KLHL14: variants seen among roughly 807,000 people sequenced by gnomAD.
The protein encoded by KLHL14 is kelch like family member 14, also known as kelch-like protein 14.
In KLHL14, 22 loss-of-function variants were observed where a neutral mutation model predicts 64.3. The ratio of observed to expected loss-of-function variants is 0.34; its 90% CI spans 0.24 to 0.49. The LOEUF (loss-of-function observed/expected upper bound fraction) is 0.49. Among genes scored for constraint, KLHL14 ranks in the 20% least tolerant of loss-of-function variants. The pLI, the probability that KLHL14 is intolerant of heterozygous loss-of-function variation, is 0.99. For missense variants in KLHL14, 661 were observed against 789.0 expected (o/e 0.84, Z 1.94); for synonymous variants, 322 against 333.4 (o/e 0.97, Z 0.37).
chr18:32,696,439 T>C (rs1056400013), intron 3 of KLHL14, among the ~76,000 whole-genome samples: 5 of 152,214 alleles, frequency 3.3e-5, no homozygotes, highest in Admixed American at 2.6e-4. Flanking sequence ...ATGGTAAATG[T>C]AAACGTATAC....
intron 3 of KLHL14, among the ~76,000 whole-genome samples, chr18:32,697,768 G>A (rs1276928072): frequency 6.6e-6 from 1 of 152,052 alleles, no homozygotes; most frequent in African/African-American, 2.4e-5. Flanking sequence ...TATGCTTTAT[G>A]CAAACAAATG....
At chr18:32,702,087 T>C (rs2144491747) in intron 3 of KLHL14, among the ~76,000 whole-genome samples, 1 of 152,240 alleles carries the variant, frequency 6.6e-6, no homozygotes, top group South Asian at 2.1e-4. Flanking sequence ...TTTTGTTGGG[T>C]TTGAGTTTTT....
Position 32,698,604 on chromosome 18 carries a change from A to C in KLHL14, c.1070-3052T>G, listed in dbSNP as rs187478310. On this transcript the variant is annotated intron_variant, in intron 3 of 8. Coordinates refer to ENST00000359358, the MANE Select transcript of KLHL14 (RefSeq NM_020805.3). Reference sequence around the variant, plus strand: ...TAAACCCACTTCCCTCCATTTAAAAAGGTCACTTTACTCAGAGGGAGTAGG... The same window carrying C: ...TAAACCCACTTCCCTCCATTTAAAACGGTCACTTTACTCAGAGGGAGTAGG... Among the ~76,000 whole-genome samples the C allele has an allele frequency of 1.9e-3, 296 of 152,348 alleles. 1 individual carries two copies. Among genetic ancestry groups the C allele is most frequent in the Admixed American group, 5.4e-3 (83 of 15,294 alleles).
intron 4 of KLHL14, among the ~76,000 whole-genome samples, chr18:32,694,320 T>C (rs1364890875): frequency 6.6e-6 from 1 of 152,230 alleles, no homozygotes; most frequent in African/African-American, 2.4e-5. Context: ...ATAAGTTAAA[T>C]AGTAAATGAG....
intron 3 of KLHL14, among the ~76,000 whole-genome samples, chr18:32,727,511 T>C (rs2050113974): frequency 6.6e-6 from 1 of 152,234 alleles, no homozygotes. Flanking sequence ...GCATATTGAA[T>C]CTTTGCAAAT....
In KLHL14 at chr18:32,714,040, T is replaced by C. The variant is rs1048239604; in HGVS notation, c.1070-18488A>G. The stretch of plus-strand genomic sequence containing the variant: ...AGAGTGATATACTAATATTTGTTGA[T>C]GAAAATTATGTAACAAGTAAATTAT... On this transcript the variant is annotated intron_variant, in intron 3 of 8. Transcript: ENST00000359358. 4.6e-4 allele frequency among the ~76,000 whole-genome samples: 70 copies of C among 152,176 alleles called. 1 individual carries two copies. The highest frequency in any genetic ancestry group is 1.6e-3 in the African/African-American group (67 of 41,440).
chr18:32,722,787 C>T (rs1222913288), intron 3 of KLHL14, among the ~76,000 whole-genome samples: 1 of 152,116 alleles, frequency 6.6e-6, no homozygotes, highest in Admixed American at 6.5e-5. Flanking sequence ...TAGTGAGACC[C>T]TGTCTCACAA....
Position 32,674,675 on chromosome 18 carries a change from A to C in KLHL14, c.1869T>G (p.Cys623Trp), listed in dbSNP as rs547728320. Residue 623 changes from cysteine to tryptophan, a missense_variant, in exon 9 of 9, where the codon TGT (cysteine) becomes TGG (tryptophan). Cys to Trp is a radical substitution (Grantham distance 215). Around this residue, in one of 2 missense-constraint regions of KLHL14, gnomAD observed 330 missense variants for 450.0 expected, o/e 0.73. Transcript: ENST00000359358. ...PACVTVILPS[C>W]VPYNK is the part of the protein sequence containing the mutation. ...CCTGGTGTTATTTGTTGTATGGTAC[A>C]CAAGAGGGCAGAATAACTGTCACAC... is the stretch of plus-strand genomic sequence containing the variant. 1.3e-6 allele frequency: 1 copy of C among 780,878 alleles called. No individual in the cohort carries two copies. The highest frequency in any genetic ancestry group is 1.7e-5 in the African/African-American group (1 of 59,242). 48.4% of individuals were successfully genotyped at this position (780,878 alleles called of 1,614,324 possible).
intron 3 of KLHL14, chr18:32,740,914 A>G (rs2050193284): frequency 1.3e-5 from 2 of 152,052 alleles, no homozygotes; most frequent in African/African-American, 2.4e-5. Flanking sequence ...CTGCTCCTCT[A>G]CTGCTTTTAT....
chr18:32,684,332 TG>T (rs1159332013), intron 5 of KLHL14, among the ~76,000 whole-genome samples: 1 of 152,208 alleles, frequency 6.6e-6, no homozygotes, highest in Admixed American at 6.5e-5. Flanking sequence ...CCCATTTCCC[TG>T]CTAAACTGGG....
rs536794770 is a variant in KLHL14, at chr18:32,710,710, T to C, written c.1070-15158A>G. Among the ~76,000 whole-genome samples the C allele has an allele frequency of 6.6e-5, 10 of 152,298 alleles. No individual in the cohort carries two copies. In the South Asian group the frequency reaches 2.1e-3, roughly 32 times the overall value. On this transcript the variant is annotated intron_variant, in intron 3 of 8. Coordinates refer to ENST00000359358, the MANE Select transcript of KLHL14 (RefSeq NM_020805.3). ...GAGGCATGAGAAGAGTAATTGCTTT[T>C]TTCAGTTGTCTTGGAAAATAACTAC... is the stretch of plus-strand genomic sequence containing the variant.
intron 2 of KLHL14, among the ~76,000 whole-genome samples, chr18:32,759,630 AT>A (rs2050303338): frequency 6.6e-6 from 1 of 151,996 alleles, no homozygotes; most frequent in Non-Finnish European, 1.5e-5. Context: ...TTAAACTAGC[AT>A]TTGTCTAACT....
intron 3 of KLHL14, among the ~76,000 whole-genome samples, chr18:32,720,637 CT>C (rs2050073737): frequency 6.6e-6 from 1 of 152,064 alleles, no homozygotes; most frequent in Non-Finnish European, 1.5e-5. Context: ...GCGAAGGGGG[CT>C]TGGGATGACA....
rs2049853205 is a variant in KLHL14, at chr18:32,683,438, A to G, written c.1239-2839T>C. 6.6e-6 allele frequency among the ~76,000 whole-genome samples: 1 copy of G among 152,172 alleles called. No individual in the cohort carries two copies. Among genetic ancestry groups the G allele is most frequent in the African/African-American group, 2.4e-5 (1 of 41,430 alleles). On this transcript the variant is annotated intron_variant, in intron 5 of 8. Coordinates refer to ENST00000359358, the MANE Select transcript of KLHL14 (RefSeq NM_020805.3). This position sits in a 1 kb window ranked among gnomAD's most constrained non-coding sequence, Gnocchi z 4.2. Reference sequence around the variant, plus strand: ...TGTTAATGGTCTGCCAGCAACTGTGAACATTCACTGTAGGCTAAAATCTTC... The same window carrying G: ...TGTTAATGGTCTGCCAGCAACTGTGGACATTCACTGTAGGCTAAAATCTTC...
At chr18:32,679,382 A>G (rs1329399992) in intron 7 of KLHL14, among the ~76,000 whole-genome samples, 2 of 152,190 alleles carry the variant, frequency 1.3e-5, no homozygotes, top group African/African-American at 2.4e-5. Flanking sequence ...AATTTCAGCG[A>G]TCATAGACTA....
chr18:32,747,682 G>A (rs1410137941), intron 2 of KLHL14, among the ~76,000 whole-genome samples: 1 of 152,128 alleles, frequency 6.6e-6, no homozygotes, highest in Non-Finnish European at 1.5e-5. Flanking sequence ...AACAGGCCAT[G>A]GACCAAAGAA....
rs2049931670 is a variant in KLHL14 at position 32,695,407 on chromosome 18, C to T, written c.1159+56G>A. 2.9e-6 allele frequency: 3 copies of T among 1,026,570 alleles called. No homozygotes were observed. The South Asian group carries it at 3.9e-5, about 13-fold the overall frequency. The allele number at this position is 1,026,570 out of a possible 1,614,324, so 63.6% of individuals were successfully genotyped here. On this transcript the variant is annotated intron_variant, in intron 4 of 8. Coordinates refer to ENST00000359358, the MANE Select transcript of KLHL14 (RefSeq NM_020805.3). ...ATTACAAAATGGACTGCTACTGATG[C>T]CCTTCATTACACACATACTTGTTGA...
At chr18:32,692,548 C>G (rs2049912736) in intron 4 of KLHL14, among the ~76,000 whole-genome samples, 1 of 152,200 alleles carries the variant, frequency 6.6e-6, no homozygotes, top group Non-Finnish European at 1.5e-5. Flanking sequence ...ATGGTTGAGT[C>G]TCTTCACAGT....
chr18:32,741,998 T>C lies in KLHL14; in HGVS notation c.999A>G (p.Gly333=). ...CCAAATTGCTGGGGAGCCGGTCCGG[T>C]CCAGGAGGCAGCCCTCCAACCAATA... The part of the protein sequence containing the change: ...MLLLVGGLPP[G]PDRLPSNLVQ... Residue 333 remains glycine, a synonymous_variant, in exon 3 of 9, where the codon GGA becomes GGG. Coordinates refer to ENST00000359358, the MANE Select transcript of KLHL14 (RefSeq NM_020805.3). 3 of 1,613,238 alleles carry C rather than the reference T, an allele frequency of 1.9e-6. No individual in the cohort carries two copies. Among genetic ancestry groups the C allele is most frequent in the Non-Finnish European group, 2.5e-6 (3 of 1,179,802 alleles).
Sources: gnomAD v4.1 joint callset for allele counts (sites outside exome capture counted in the v4.1 genomes callset) on GRCh38, gnomAD v4.1.1 for gene constraint, gnomAD v4.1.1 regional missense constraint, Gnocchi (gnomAD v3.1) non-coding constraint, MANE v1.5 for transcripts, NCBI Gene and HGNC (gene_info 2026-07-23, HGNC 2026-07-21) for gene names.